The following MAGI2 variants were observed in gnomAD, a reference collection of about 807,000 sequenced individuals.
MAGI2 encodes membrane associated guanylate kinase, WW and PDZ domain containing 2, also known as membrane-associated guanylate kinase, WW and PDZ domain-containing protein 2.
MAGI2 carries 35 observed loss-of-function variants against 133.3 expected under a neutral mutation model. The observed-to-expected ratio is 0.26, with a 90% CI of 0.20 to 0.35. The LOEUF is 0.35. MAGI2 is among the 10% of genes least tolerant of loss of function. MAGI2 has a pLI of 1.00. For synonymous variants in MAGI2, 729 were observed against 710.6 expected, an observed-to-expected ratio of 1.03 and a Z score of -0.41; for missense variants, 1,636 against 1,863.4, an observed-to-expected ratio of 0.88 and a Z score of 2.25.
chr7:79,235,758 G>A (rs963949264), intron 1 of MAGI2, among the ~76,000 whole-genome samples: 6 of 152,318 alleles, frequency 3.9e-5, no homozygotes, highest in Admixed American at 6.5e-5. Flanking sequence ...CGTCTTCTGC[G>A]TCGCTCACGC....
intron 2 of MAGI2, among the ~76,000 whole-genome samples, chr7:78,796,244 G>A (rs1301774796): frequency 6.6e-6 from 1 of 151,914 alleles, no homozygotes; most frequent in Non-Finnish European, 1.5e-5. Context: ...ATCTAACAAG[G>A]GATTAGTAAC....
chr7:79,018,165 A>T (rs1328115490), intron 1 of MAGI2, among the ~76,000 whole-genome samples: 1 of 152,038 alleles, frequency 6.6e-6, no homozygotes, highest in Non-Finnish European at 1.5e-5. Context: ...GGGTCAGCTA[A>T]CCTACAAGGG....
chr7:79,397,789 A>T (rs1369706066), intron 1 of MAGI2, among the ~76,000 whole-genome samples: 1 of 151,944 alleles, frequency 6.6e-6, no homozygotes, highest in East Asian at 1.9e-4. Flanking sequence ...CTTTATTGGG[A>T]TGTATTTCTT....
intron 2 of MAGI2, among the ~76,000 whole-genome samples, chr7:78,900,484 T>C (rs1797539362): frequency 6.6e-6 from 1 of 152,140 alleles, no homozygotes; most frequent in Non-Finnish European, 1.5e-5. Context: ...AAGCAAGCTC[T>C]CTATTTAGGT....
chr7:78,461,410 G>GTGTGTGTGTGTGTGTGTC (rs1334312494), intron 6 of MAGI2, among the ~76,000 whole-genome samples: 1 of 151,786 alleles, frequency 6.6e-6, no homozygotes, highest in Non-Finnish European at 1.5e-5. Context: ...GTGTGTGTGT[G>GTGTGTGTGTGTGTGTGTC]TGTGTGTGTG....
intron 3 of MAGI2, among the ~76,000 whole-genome samples, chr7:78,523,651 A>G (rs1305246637): frequency 6.6e-6 from 1 of 152,160 alleles, no homozygotes; most frequent in Non-Finnish European, 1.5e-5. Context: ...ACAAGGCAGC[A>G]GGAGGGAGAA....
intron 1 of MAGI2, among the ~76,000 whole-genome samples, chr7:79,184,621 T>C (rs1056519952): frequency 1.3e-5 from 2 of 151,636 alleles, no homozygotes; most frequent in African/African-American, 4.8e-5. Flanking sequence ...CAACTTTGCA[T>C]AGGAGAAAAG....
chr7:78,536,799 C>T lies in MAGI2; in HGVS notation c.539-15154G>A, dbSNP rs188798627. On this transcript the variant is annotated intron_variant, in intron 3 of 21. Coordinates refer to ENST00000354212, the MANE Select transcript of MAGI2 (RefSeq NM_012301.4). ...TTCTGGAGACAGAGTCTTGCTCTGT[C>T]GCCCAGGCTGGAGTGCGGTGGCGCG... Among the ~76,000 whole-genome samples, 173 of 144,230 alleles carry T rather than the reference C, an allele frequency of 1.2e-3. 5 individuals carry two copies. The East Asian group carries it at 0.033, about 27-fold the overall frequency. The allele number at this position is 144,230 out of a possible 152,430, so 94.6% of individuals were successfully genotyped here.
At chr7:79,198,137 C>T (rs1465567144) in intron 1 of MAGI2, among the ~76,000 whole-genome samples, 1 of 151,824 alleles carries the variant, frequency 6.6e-6, no homozygotes, top group African/African-American at 2.4e-5. Flanking sequence ...CTTCTGGTTC[C>T]AGCTACTCAG....
Position 78,452,733 on chromosome 7 carries a change from A to G in MAGI2, c.1045+37028T>C, listed in dbSNP as rs145535943. Among the ~76,000 whole-genome samples the G allele has an allele frequency of 4.6e-3, 695 of 151,880 alleles. 5 individuals are homozygous for G. Among genetic ancestry groups the G allele is most frequent in the African/African-American group, 0.016 (666 of 41,420 alleles). The stretch of plus-strand genomic sequence containing the variant: ...ACCGGGCCACTAGATACCAAGTACC[A>G]GGTACACAGGCTATAAAATGTCTAG... On this transcript the variant is annotated intron_variant, in intron 6 of 21. Coordinates refer to ENST00000354212, the MANE Select transcript of MAGI2 (RefSeq NM_012301.4).
intron 6 of MAGI2, among the ~76,000 whole-genome samples, chr7:78,461,533 G>A (rs964536279): frequency 6.6e-6 from 1 of 151,792 alleles, no homozygotes; most frequent in Admixed American, 6.6e-5. Context: ...GTAATTTTAT[G>A]TTGCTAGTAT....
intron 6 of MAGI2, among the ~76,000 whole-genome samples, chr7:78,434,741 G>A (rs1405551501): frequency 1.3e-5 from 2 of 152,048 alleles, no homozygotes; most frequent in Non-Finnish European, 2.9e-5. Flanking sequence ...TGAAAATATT[G>A]GAGATATAGA....
At chr7:79,045,754 T>G (rs1227805019) in intron 1 of MAGI2, among the ~76,000 whole-genome samples, 1 of 152,128 alleles carries the variant, frequency 6.6e-6, no homozygotes, top group African/African-American at 2.4e-5. Flanking sequence ...ATCACGCCAC[T>G]GCACTCCAGC....
chr7:78,989,199 T>G (rs1805532945), intron 2 of MAGI2, among the ~76,000 whole-genome samples: 1 of 152,064 alleles, frequency 6.6e-6, no homozygotes, highest in Admixed American at 6.6e-5. Context: ...ACTCTCATCT[T>G]TCCTGTAAAT....
chr7:79,303,591 T>C (rs1359436605), intron 1 of MAGI2, among the ~76,000 whole-genome samples: 3 of 152,202 alleles, frequency 2.0e-5, no homozygotes, highest in Non-Finnish European at 4.4e-5. Context: ...TTAGCAGTGA[T>C]GCTCAGAATT....
intron 21 of MAGI2, among the ~76,000 whole-genome samples, chr7:78,055,589 C>A (rs3779322): frequency 1.3e-5 from 2 of 152,078 alleles, no homozygotes; most frequent in Admixed American, 6.5e-5. Flanking sequence ...CCGACACCTC[C>A]CAGACCCTGG....
intron 3 of MAGI2, among the ~76,000 whole-genome samples, chr7:78,532,332 G>T (rs1045854341): frequency 6.6e-6 from 1 of 152,202 alleles, no homozygotes; most frequent in African/African-American, 2.4e-5. Context: ...GAACCTGGAT[G>T]CATTTGCTTT....
chr7:78,616,265 C>A (rs555065487), intron 3 of MAGI2: 20 of 152,148 alleles, frequency 1.3e-4, no homozygotes, highest in African/African-American at 4.8e-4. Flanking sequence ...ATACGTTTAA[C>A]CTCATTACTT....
intron 16 of MAGI2, among the ~76,000 whole-genome samples, chr7:78,148,103 C>A (rs1423289951): frequency 6.6e-6 from 1 of 152,110 alleles, no homozygotes; most frequent in East Asian, 1.9e-4. Context: ...TTTATAGAAG[C>A]TTTATTTGTA....
Sources: allele counts gnomAD v4.1 joint callset (sites outside exome capture counted in the v4.1 genomes callset), GRCh38; gene constraint gnomAD v4.1.1; transcripts MANE v1.5; gene names NCBI Gene and HGNC (gene_info 2026-07-23, HGNC 2026-07-21).